TRPC4: variants seen among roughly 807,000 people sequenced by gnomAD.
The protein encoded by TRPC4 is transient receptor potential cation channel subfamily C member 4, also known as short transient receptor potential channel 4.
In TRPC4, 49 loss-of-function variants were observed where a neutral mutation model predicts 99.4. The observed-to-expected ratio is 0.49, with a 90% CI of 0.39 to 0.63. The LOEUF is 0.63. Ranked by LOEUF, TRPC4 falls within the 20% of genes least tolerant of loss-of-function variation. TRPC4 has a pLI of 0.00. For missense variants in TRPC4, 898 were observed against 1,152.9 expected, an observed-to-expected ratio of 0.78 and a Z score of 3.20; for synonymous variants, 454 against 425.9, an observed-to-expected ratio of 1.07 and a Z score of -0.81.
At chr13:37,733,216 T>C (rs1011673140) in intron 3 of TRPC4, among the ~76,000 whole-genome samples, 2 of 152,104 alleles carry the variant, frequency 1.3e-5, no homozygotes, top group Non-Finnish European at 2.9e-5. Context: ...GAGGTTGTAA[T>C]GAACCAAGAC....
chr13:37,853,843 G>C (rs1959116867), intron 1 of TRPC4, among the ~76,000 whole-genome samples: 1 of 151,910 alleles, frequency 6.6e-6, no homozygotes, highest in Non-Finnish European at 1.5e-5. Context: ...AAGAATTGGT[G>C]AGGTTAAAGA....
At chr13:37,840,488 A>G (rs973177540) in intron 1 of TRPC4, among the ~76,000 whole-genome samples, 5 of 151,990 alleles carry the variant, frequency 3.3e-5, no homozygotes, top group Non-Finnish European at 7.4e-5. Flanking sequence ...TCATTCACTT[A>G]TACCATCCCT....
intron 2 of TRPC4, among the ~76,000 whole-genome samples, chr13:37,764,343 T>A (rs757863158): frequency 6.6e-6 from 1 of 151,276 alleles, no homozygotes; most frequent in East Asian, 1.9e-4. Flanking sequence ...TATATAATTT[T>A]AAATTATAAT....
chr13:37,833,014 C>A (rs544057858), intron 1 of TRPC4, among the ~76,000 whole-genome samples: 1 of 152,052 alleles, frequency 6.6e-6, no homozygotes, highest in Non-Finnish European at 1.5e-5. Flanking sequence ...TTCCTGGATT[C>A]ATTTTATTTA....
In TRPC4 at chr13:37,746,310, C is replaced by G. The variant is rs185327688; in HGVS notation, c.524G>C (p.Arg175Pro). The G allele has an allele frequency of 6.2e-7, 1 of 1,613,800 alleles. No individual in the cohort carries two copies. The highest frequency in any genetic ancestry group is 8.5e-7 in the Non-Finnish European group (1 of 1,179,850). Residue 175 changes from arginine to proline, a missense_variant, in exon 3 of 11, where the codon CGC (arginine) becomes CCC (proline). Around this residue, in one of 3 missense-constraint regions of TRPC4, gnomAD observed 278 missense variants for 346.6 expected, o/e 0.80. Transcript: ENST00000379705. The stretch of plus-strand genomic sequence containing the variant: ...GGACACGCATTCCACACAGTTACAG[C>G]GGACCTCGTGGGGTCGAGGCACTGA... ...GVSVPRPHEV[R>P]CNCVECVSSS...
chr13:37,738,061 A>C (rs1021008835), intron 3 of TRPC4, among the ~76,000 whole-genome samples: 1 of 152,112 alleles, frequency 6.6e-6, no homozygotes, highest in African/African-American at 2.4e-5. Context: ...TCCATTCCCC[A>C]GGTCTACTCC....
At chr13:37,716,987 C>A (rs903702358) in intron 3 of TRPC4, among the ~76,000 whole-genome samples, 3 of 151,806 alleles carry the variant, frequency 2.0e-5, no homozygotes, top group Non-Finnish European at 4.4e-5. Flanking sequence ...TATAACCAAA[C>A]GCACACTCTT....
At chr13:37,816,106 CT>C (rs149651623) in intron 1 of TRPC4, among the ~76,000 whole-genome samples, 8,859 of 151,842 alleles carry the variant, frequency 0.058, 359 homozygotes, top group Non-Finnish European at 0.086. Flanking sequence ...AGATAAAACA[CT>C]GTTAAGAGAG....
intron 1 of TRPC4, among the ~76,000 whole-genome samples, chr13:37,805,942 G>A (rs1179379481): frequency 6.6e-6 from 1 of 151,990 alleles, no homozygotes; most frequent in Non-Finnish European, 1.5e-5. Context: ...TGAGATTAAG[G>A]TAATGTGTTT....
intron 1 of TRPC4, among the ~76,000 whole-genome samples, chr13:37,860,621 C>G (rs1342839550): frequency 6.6e-6 from 1 of 151,460 alleles, no homozygotes; most frequent in South Asian, 2.1e-4. Flanking sequence ...GGTTATAATT[C>G]CATCTCACTA....
In TRPC4 at chr13:37,636,795, G is replaced by A. The variant is rs907044055; in HGVS notation, c.*108C>T. ...AGGTAATATGCCACAGCTGATAAAC[G>A]CTATAAAGTGTAAGTTAGCATTTGC... On this transcript the variant is annotated 3_prime_UTR_variant, in exon 11 of 11. Coordinates refer to ENST00000379705, the MANE Select transcript of TRPC4 (RefSeq NM_016179.4). The A allele has an allele frequency of 1.5e-6, 2 of 1,331,298 alleles. No homozygotes were observed. The allele number at this position is 1,331,298 out of a possible 1,614,324, so 82.5% of individuals were successfully genotyped here. A position where few individuals can be genotyped will look rare whatever the true frequency, so the allele number is the denominator to read the frequency against.
chr13:37,694,866 TA>T (rs1385712527), intron 3 of TRPC4, among the ~76,000 whole-genome samples: 2 of 152,176 alleles, frequency 1.3e-5, no homozygotes, highest in African/African-American at 4.8e-5. Flanking sequence ...AGGATTGAAA[TA>T]ACCCAAAAAG....
At position 37,637,380 on chromosome 13, in the gene TRPC4, A is replaced by G. The variant is rs780496090; in HGVS notation, c.2457T>C (p.Asn819=). 54 of 1,613,474 alleles carry G rather than the reference A, an allele frequency of 3.3e-5. No homozygotes were observed. The highest frequency in any genetic ancestry group is 1.6e-4 in the Middle Eastern group (1 of 6,078). The change falls in exon 11 of 11, where the codon AAT becomes AAC. Residue 819 remains asparagine, a synonymous_variant. Transcript: ENST00000379705. ...AIASERHNIS[N]GSALVVQEPP... Reference sequence around the variant, plus strand: ...GCTCCTGAACCACCAGGGCAGAGCCATTGCTTATGTTATGTCTTTCAGAGG... The same window carrying G: ...GCTCCTGAACCACCAGGGCAGAGCCGTTGCTTATGTTATGTCTTTCAGAGG...
intron 3 of TRPC4, among the ~76,000 whole-genome samples, chr13:37,720,184 G>A (rs1577008): frequency 0.99 from 150,768 of 152,294 alleles, 74,647 homozygotes; most frequent in Middle Eastern, 1. Context: ...GACTTGCATC[G>A]TATTTTTGAC....
intron 3 of TRPC4, among the ~76,000 whole-genome samples, chr13:37,702,784 A>G (rs1345708039): frequency 6.6e-6 from 1 of 152,188 alleles, no homozygotes; most frequent in African/African-American, 2.4e-5. Flanking sequence ...GAAGGTCTGA[A>G]AAAGGTCATA....
intron 3 of TRPC4, among the ~76,000 whole-genome samples, chr13:37,734,868 C>T (rs1475611883): frequency 6.6e-6 from 1 of 151,912 alleles, no homozygotes; most frequent in African/African-American, 2.4e-5. Flanking sequence ...AAGAAGGGAG[C>T]TAGCAAGGAA....
chr13:37,691,333 T>G (rs1317466383), intron 4 of TRPC4, among the ~76,000 whole-genome samples: 2 of 152,092 alleles, frequency 1.3e-5, no homozygotes, highest in Non-Finnish European at 1.5e-5. Flanking sequence ...TACGATCTCC[T>G]GACCTCGTGA....
Position 37,774,930 on chromosome 13 carries a change from C to T in TRPC4, c.378+8026G>A, listed in dbSNP as rs187368603. 9.4e-5 allele frequency among the ~76,000 whole-genome samples: 14 copies of T among 149,258 alleles called. No individual in the cohort carries two copies. The East Asian group carries it at 2.6e-3, about 28-fold the overall frequency. ...TCAAGTAATTACAGTGTTTATATGA[C>T]TTACTATTATTCCTAAATGATTAAT... On this transcript the variant is annotated intron_variant, in intron 2 of 10. Coordinates refer to ENST00000379705, the MANE Select transcript of TRPC4 (RefSeq NM_016179.4).
chr13:37,866,160 G>C (rs780009004), intron 1 of TRPC4, among the ~76,000 whole-genome samples: 2 of 151,728 alleles, frequency 1.3e-5, no homozygotes, highest in Non-Finnish European at 3.0e-5. Flanking sequence ...AAAGAATGCA[G>C]TGTGCTAGAT....
Sources: gnomAD v4.1 joint callset for allele counts (sites outside exome capture counted in the v4.1 genomes callset) on GRCh38, gnomAD v4.1.1 for gene constraint, gnomAD v4.1.1 regional missense constraint, MANE v1.5 for transcripts, NCBI Gene and HGNC (gene_info 2026-07-23, HGNC 2026-07-21) for gene names.